MACROD2: variants seen among roughly 807,000 people sequenced by gnomAD.
The protein encoded by MACROD2 is ADP-ribose glycohydrolase MACROD2.
MACROD2 carries 36 observed loss-of-function variants against 70.4 expected under a neutral mutation model. That is an observed-to-expected ratio of 0.51 (90% CI 0.39 to 0.68). MACROD2 has a LOEUF of 0.68. MACROD2 is among the 30% of genes least tolerant of loss of function. The pLI is 0.00. For missense variants in MACROD2, 496 were observed against 538.4 expected, an observed-to-expected ratio of 0.92 and a Z score of 0.78; for synonymous variants, 172 against 178.8, an observed-to-expected ratio of 0.96 and a Z score of 0.30.
chr20:14,983,064 G>A (rs1410985998), intron 5 of MACROD2, among the ~76,000 whole-genome samples: 1 of 152,192 alleles, frequency 6.6e-6, no homozygotes, highest in Admixed American at 6.5e-5. Context: ...TTACCTGGAT[G>A]TGACATATGG....
At chr20:14,573,095 G>A (rs1371526626) in intron 4 of MACROD2, among the ~76,000 whole-genome samples, 2 of 151,682 alleles carry the variant, frequency 1.3e-5, no homozygotes, top group Non-Finnish European at 2.9e-5. Flanking sequence ...TGTGTGATAT[G>A]AAGGTGTTGT....
At chr20:14,440,593 T>G (rs1368495481) in intron 3 of MACROD2, among the ~76,000 whole-genome samples, 5 of 152,330 alleles carry the variant, frequency 3.3e-5, no homozygotes, top group East Asian at 3.9e-4. Context: ...GTGCCTGATC[T>G]TCTATATGAG....
At chr20:14,071,934 G>A (rs1486717048) in intron 2 of MACROD2, among the ~76,000 whole-genome samples, 6 of 152,038 alleles carry the variant, frequency 3.9e-5, no homozygotes, top group Admixed American at 6.6e-5. Flanking sequence ...TCAGAATAAG[G>A]TCATAAATAT....
At chr20:14,437,773 A>G (rs1031594868) in intron 3 of MACROD2, among the ~76,000 whole-genome samples, 8 of 152,148 alleles carry the variant, frequency 5.3e-5, no homozygotes, top group Non-Finnish European at 1.5e-5. Context: ...CTCAAAATAC[A>G]TTTTCAGTAA....
intron 4 of MACROD2, among the ~76,000 whole-genome samples, chr20:14,603,631 G>T (rs564510521): frequency 6.6e-6 from 1 of 152,250 alleles, no homozygotes; most frequent in Admixed American, 6.5e-5. Context: ...TTTAGGGGAT[G>T]ATTTTCTCAC....
At chr20:14,300,238 T>C (rs2082463001) in intron 3 of MACROD2, among the ~76,000 whole-genome samples, 1 of 152,204 alleles carries the variant, frequency 6.6e-6, no homozygotes, top group Admixed American at 6.5e-5. Flanking sequence ...GAGATTTTAT[T>C]ATGTATCACA....
At chr20:14,082,026 T>C (rs1047159344) in intron 2 of MACROD2, among the ~76,000 whole-genome samples, 1 of 152,178 alleles carries the variant, frequency 6.6e-6, no homozygotes, top group Non-Finnish European at 1.5e-5. Context: ...ATTCAATAAA[T>C]ATACTGAATT....
At chr20:15,748,733 C>A (rs2051223624) in intron 8 of MACROD2, among the ~76,000 whole-genome samples, 1 of 152,100 alleles carries the variant, frequency 6.6e-6, no homozygotes, top group Non-Finnish European at 1.5e-5. Context: ...TGTATTCCAA[C>A]ATTGTTCATA....
intron 8 of MACROD2, among the ~76,000 whole-genome samples, chr20:15,747,809 T>A (rs976374382): frequency 1.3e-5 from 2 of 152,168 alleles, no homozygotes; most frequent in African/African-American, 4.8e-5. Flanking sequence ...TCTTATTACA[T>A]TAACTAGTAC....
chr20:14,361,465 A>G (rs2083221039), intron 3 of MACROD2, among the ~76,000 whole-genome samples: 1 of 152,138 alleles, frequency 6.6e-6, no homozygotes, highest in African/African-American at 2.4e-5. Flanking sequence ...ATGGAGCTGG[A>G]TACATAATAG....
At chr20:14,717,042 G>C (rs1303112559) in intron 5 of MACROD2, among the ~76,000 whole-genome samples, 1 of 151,948 alleles carries the variant, frequency 6.6e-6, no homozygotes, top group African/African-American at 2.4e-5. Flanking sequence ...AAAAAAATTT[G>C]GGGGTATTGA....
At chr20:14,405,752 T>A (rs2083684740) in intron 3 of MACROD2, among the ~76,000 whole-genome samples, 1 of 152,170 alleles carries the variant, frequency 6.6e-6, no homozygotes, top group South Asian at 2.1e-4. Flanking sequence ...TCTCAGATCT[T>A]GTATTTCTAT....
intron 5 of MACROD2, among the ~76,000 whole-genome samples, chr20:15,118,374 G>C (rs2076007087): frequency 6.6e-6 from 1 of 151,862 alleles, no homozygotes; most frequent in Admixed American, 6.6e-5. Context: ...TGTATTTTTA[G>C]TAGAGACGGG....
intron 5 of MACROD2, among the ~76,000 whole-genome samples, chr20:15,190,169 G>A (rs1200633173): frequency 2.0e-5 from 3 of 152,070 alleles, no homozygotes; most frequent in Admixed American, 6.5e-5. Context: ...GGCAGTATGT[G>A]TTTCTTATTT....
chr20:15,479,268 T>C (rs2047062931), intron 7 of MACROD2, among the ~76,000 whole-genome samples: 1 of 98,414 alleles, frequency 1.0e-5, no homozygotes, highest in African/African-American at 3.7e-5. Flanking sequence ...TCGCTCTCTT[T>C]TTTTTTTTTT....
At chr20:15,018,862 C>T (rs2075142053) in intron 5 of MACROD2, among the ~76,000 whole-genome samples, 1 of 152,182 alleles carries the variant, frequency 6.6e-6, no homozygotes, top group Non-Finnish European at 1.5e-5. Context: ...CAAGTTGACA[C>T]TCAGTATTAA....
chr20:14,793,556 G>A (rs1002490155), intron 5 of MACROD2, among the ~76,000 whole-genome samples: 2 of 151,906 alleles, frequency 1.3e-5, no homozygotes, highest in Non-Finnish European at 2.9e-5. Flanking sequence ...ATTGAAAAAG[G>A]TTAACATAGG....
intron 7 of MACROD2, among the ~76,000 whole-genome samples, chr20:15,432,464 T>G (rs112649780): frequency 6.6e-6 from 1 of 152,032 alleles, no homozygotes. Context: ...GGAAACAGGA[T>G]GAGCACTGGG....
chr20:14,648,206 C>A (rs940293678), intron 4 of MACROD2, among the ~76,000 whole-genome samples: 12 of 151,922 alleles, frequency 7.9e-5, no homozygotes, highest in African/African-American at 2.9e-4. Flanking sequence ...AACAAAGGAA[C>A]CTAAAGATCA....
Sources: allele counts gnomAD v4.1 joint callset (sites outside exome capture counted in the v4.1 genomes callset), GRCh38; gene constraint gnomAD v4.1.1; transcripts MANE v1.5; gene names NCBI Gene and HGNC (gene_info 2026-07-23, HGNC 2026-07-21).